DCLRE1A: variants seen among roughly 807,000 people sequenced by gnomAD.
DCLRE1A encodes DNA cross-link repair 1A protein.
A neutral mutation model predicts 91.9 loss-of-function variants in DCLRE1A; 64 were observed. The ratio of observed to expected loss-of-function variants is 0.70; its 90% CI spans 0.57 to 0.86. DCLRE1A has a LOEUF of 0.86. Among genes scored for constraint, DCLRE1A ranks in the 40% least tolerant of loss-of-function variants. The pLI is 0.00. For synonymous variants in DCLRE1A, 416 were observed against 431.1 expected, an observed-to-expected ratio of 0.96 and a Z score of 0.43; for missense variants, 1,145 against 1,213.3, an observed-to-expected ratio of 0.94 and a Z score of 0.84.
At chr10:113,842,001 T>G (rs958099369) in intron 6 of DCLRE1A, among the ~76,000 whole-genome samples, 1 of 152,206 alleles carries the variant, frequency 6.6e-6, no homozygotes, top group East Asian at 1.9e-4. Flanking sequence ...TTAAAACTGA[T>G]TGCCAATGTA....
chr10:113,853,273 T>C lies in DCLRE1A; in HGVS notation c.-91A>G. On this transcript the variant is annotated 5_prime_UTR_variant, in exon 1 of 9. Transcript: ENST00000361384. The stretch of plus-strand genomic sequence containing the variant: ...CAAACAAAAAGTTATAGAATTATTT[T>C]GCTGAGAAAAAAAACAAAGGTAACA... The C allele has an allele frequency of 7.9e-7, 1 of 1,271,232 alleles. No individual in the cohort carries two copies. Among genetic ancestry groups the C allele is most frequent in the Non-Finnish European group, 1.0e-6 (1 of 956,954 alleles). The allele number at this position is 1,271,232 out of a possible 1,614,324, so 78.7% of individuals were successfully genotyped here.
chr10:113,838,375 C>A (rs374483920), intron 7 of DCLRE1A, among the ~76,000 whole-genome samples: 1 of 152,130 alleles, frequency 6.6e-6, no homozygotes, highest in South Asian at 2.1e-4. Context: ...ATCATCAAAC[C>A]TGTCCATTCC....
At chr10:113,842,224 T>C in intron 6 of DCLRE1A, 119 bp downstream of exon 6, 3 of 878,386 alleles carry the variant, frequency 3.4e-6, no homozygotes, top group Non-Finnish European at 4.8e-6. Flanking sequence ...TCAAAGGTAA[T>C]ATTGAATCAT....
At chr10:113,842,907 CTAAA>C (rs570596442) in intron 5 of DCLRE1A, among the ~76,000 whole-genome samples, 1 of 152,002 alleles carries the variant, frequency 6.6e-6, no homozygotes, top group South Asian at 2.1e-4. Flanking sequence ...AGTAATGAAA[CTAAA>C]TATGAATTTA....
In DCLRE1A at chr10:113,842,302, T is replaced by G. The variant is rs190344355; in HGVS notation, c.2665+41A>C. The G allele has an allele frequency of 5.3e-6, 8 of 1,519,402 alleles. No homozygotes were observed. The East Asian group carries it at 1.8e-4, about 35-fold the overall frequency. 94.1% of individuals were successfully genotyped at this position (1,519,402 alleles called of 1,614,324 possible). A position where few individuals can be genotyped will look rare whatever the true frequency, so the allele number is the denominator to read the frequency against. On this transcript the variant is annotated intron_variant, in intron 6 of 8. Transcript: ENST00000361384. ...GCATTATGCAAAAAGAATCTGATCTTTATAATATATTAATGTAAATTAGAT... is the reference window on the plus strand; with the variant it reads ...GCATTATGCAAAAAGAATCTGATCTGTATAATATATTAATGTAAATTAGAT...
rs768238863 is a variant in DCLRE1A, at chr10:113,844,199, A to G, written c.2424T>C (p.Thr808=). 5 of 1,614,204 alleles carry G rather than the reference A, an allele frequency of 3.1e-6. No individual in the cohort carries two copies. Among genetic ancestry groups the G allele is most frequent in the Middle Eastern group, 1.6e-4 (1 of 6,062 alleles). ...VMILFYLPNG[T]VILHTGDFRA... is the part of the protein sequence containing the mutation. ...TGAAGTCTCCCGTGTGTAATATGAC[A>G]GTACCATTAGGAAGATAAAAGAGGA... The change falls in exon 5 of 9, where the codon ACT becomes ACC. Residue 808 remains threonine, a synonymous_variant. Coordinates refer to ENST00000361384, the MANE Select transcript of DCLRE1A (RefSeq NM_014881.5).
chr10:113,835,302 G>A lies in DCLRE1A; in HGVS notation c.2973C>T (p.Tyr991=). 1 of 1,590,212 alleles carries A rather than the reference G, an allele frequency of 6.3e-7. No individual in the cohort carries two copies. Among genetic ancestry groups the A allele is most frequent in the Non-Finnish European group, 8.5e-7 (1 of 1,172,302 alleles). ...TTTCTAGGTAGCTGCTGTGTTCACT[G>A]TAAGGAATTCCTGTAACAAAAAATA... The part of the protein sequence containing the change: ...KGNISIYGIP[Y]SEHSSYLEMK... Residue 991 remains tyrosine, a synonymous_variant, in exon 9 of 9, where the codon TAC becomes TAT. Coordinates refer to ENST00000361384, the MANE Select transcript of DCLRE1A (RefSeq NM_014881.5).
intron 1 of DCLRE1A, 34 bp downstream of exon 1, chr10:113,852,686 GATT>G (rs1845673814): frequency 1.3e-6 from 2 of 1,557,680 alleles, no homozygotes; most frequent in South Asian, 2.4e-5. Context: ...AGACTTTTTA[GATT>G]ATTTAGAAAC....
rs1267577311 is a variant in DCLRE1A at position 113,844,163 on chromosome 10, G to A, written c.2460C>T (p.Pro820=). ...CCGCAAGAAGAGAACGTTCCATGCT[G>A]GGATCTGCTCTGAAGTCTCCCGTGT... The part of the protein sequence containing the change: ...ILHTGDFRAD[P]SMERSLLADQ... Residue 820 remains proline, a synonymous_variant, in exon 5 of 9, where the codon CCC becomes CCT. Transcript: ENST00000361384. The A allele has an allele frequency of 6.2e-7, 1 of 1,614,170 alleles. No individual in the cohort carries two copies. Among genetic ancestry groups the A allele is most frequent in the Non-Finnish European group, 8.5e-7 (1 of 1,180,028 alleles).
rs1564842200 is a variant in DCLRE1A at position 113,841,428 on chromosome 10, G to A, written c.2798C>T (p.Pro933Leu). The stretch of plus-strand genomic sequence containing the variant: ...TACCTTAAAATTAATTTGCATCATT[G>A]GGAGAAGGTGAACCAATGAACTGCA... ...DMCSSLVHLL[P>L]MMQINFKGLQ... Residue 933 changes from proline (P) to leucine (L), a missense_variant, in exon 7 of 9, where the codon CCA becomes CTA. Coordinates refer to ENST00000361384, the MANE Select transcript of DCLRE1A (RefSeq NM_014881.5). The A allele has an allele frequency of 1.9e-6, 3 of 1,612,598 alleles. No individual in the cohort carries two copies. Among genetic ancestry groups the A allele is most frequent in the Non-Finnish European group, 2.5e-6 (3 of 1,179,490 alleles).
In DCLRE1A at chr10:113,850,158, G is replaced by T; in HGVS notation, c.947C>A (p.Pro316Gln). 2 of 1,614,042 alleles carry T rather than the reference G, an allele frequency of 1.2e-6. No homozygotes were observed. Among genetic ancestry groups the T allele is most frequent in the Non-Finnish European group, 1.7e-6 (2 of 1,180,012 alleles). The change falls in exon 2 of 9, where the codon CCG (proline) becomes CAG (glutamine). Residue 316 changes from proline to glutamine, a missense_variant. By Grantham distance (76) the Pro-to-Gln change is moderately conservative. Transcript: ENST00000361384. ...AAACAGTTGTTCTTGTGAATCATCC[G>T]GTTTTTCATCGATATCATGAGTGTC... ...DEDTHDIDEKPDDSQEQLFFT... is the reference protein window; with the variant it reads ...DEDTHDIDEKQDDSQEQLFFT...
rs961109324 is a variant in DCLRE1A, at chr10:113,837,736, T to C, written c.2821-533A>G. ...ACCCTTTAAACATGAACTAGATTTATTTTAAAACTTTTCATACCACTATTG... is the reference window on the plus strand; with the variant it reads ...ACCCTTTAAACATGAACTAGATTTACTTTAAAACTTTTCATACCACTATTG... On this transcript the variant is annotated intron_variant, in intron 7 of 8. Coordinates refer to ENST00000361384, the MANE Select transcript of DCLRE1A (RefSeq NM_014881.5). 7.9e-5 allele frequency among the ~76,000 whole-genome samples: 12 copies of C among 152,348 alleles called. No individual in the cohort carries two copies. In the East Asian group the frequency reaches 2.3e-3, roughly 29 times the overall value.
chr10:113,851,217 T>C (rs552655629), intron 1 of DCLRE1A, among the ~76,000 whole-genome samples: 129 of 152,364 alleles, frequency 8.5e-4, no homozygotes, highest in African/African-American at 3.0e-3. Flanking sequence ...ATTTCCATTC[T>C]TGATTTTCAA....
At chr10:113,844,711 G>A (rs574785717) in intron 4 of DCLRE1A, among the ~76,000 whole-genome samples, 5 of 152,292 alleles carry the variant, frequency 3.3e-5, no homozygotes, top group Admixed American at 6.5e-5. Flanking sequence ...CGAAGCGGGT[G>A]TATCACCTGA....
At chr10:113,835,657 A>G (rs1266004003) in intron 8 of DCLRE1A, among the ~76,000 whole-genome samples, 23 of 152,112 alleles carry the variant, frequency 1.5e-4, no homozygotes, top group Admixed American at 1.5e-3. Context: ...GTTCTTGGTC[A>G]GGCATGGTGG....
At chr10:113,838,998 A>G (rs963491632) in intron 7 of DCLRE1A, among the ~76,000 whole-genome samples, 4 of 152,142 alleles carry the variant, frequency 2.6e-5, no homozygotes, top group African/African-American at 9.7e-5. Context: ...AATTACAAAC[A>G]TCAGCTTCTG....
chr10:113,852,910 G>A lies in DCLRE1A; in HGVS notation c.273C>T (p.Thr91=), dbSNP rs376143056. 4.3e-6 allele frequency: 7 copies of A among 1,613,800 alleles called. No individual in the cohort carries two copies. In the Admixed American group the frequency reaches 1.2e-4, roughly 27 times the overall value. Residue 91 remains threonine (T), a synonymous_variant, in exon 1 of 9, where the codon ACC becomes ACT. Coordinates refer to ENST00000361384, the MANE Select transcript of DCLRE1A (RefSeq NM_014881.5). ...NSSCGDGIQQ[T]QDKETTPGKL... ...TTCCTGGAGTAGTTTCCTTGTCTTG[G>A]GTCTGCTGAATACCATCTCCACAAC...
chr10:113,850,633 C>G lies in DCLRE1A; in HGVS notation c.472G>C (p.Gly158Arg). Residue 158 changes from glycine (G) to arginine (R), a missense_variant, in exon 2 of 9, where the codon GGT (glycine) becomes CGT (arginine). Transcript: ENST00000361384. ...GGAATGGTTGAGGTACACAGAAGAC[C>G]ATCAGGACACTCTGAAATTTTAATA... Reference protein sequence around the residue: ...PPRSETECPDGLLCTSTIPFH... With the variant: ...PPRSETECPDRLLCTSTIPFH... The G allele has an allele frequency of 2.5e-6, 4 of 1,582,314 alleles. 1 individual carries two copies. In the South Asian group the frequency reaches 4.6e-5, roughly 18 times the overall value.
In DCLRE1A at chr10:113,845,675, T is replaced by C; in HGVS notation, c.2378+10A>G. The C allele has an allele frequency of 6.2e-7, 1 of 1,607,488 alleles. No homozygotes were observed. Among genetic ancestry groups the C allele is most frequent in the South Asian group, 1.1e-5 (1 of 90,944 alleles). ...AAAAAATGTGCTATTAAGATGACTT[T>C]AATACTTACTGATTGGCATCAAGCA... On this transcript the variant is annotated intron_variant, in intron 4 of 8. Transcript: ENST00000361384.
Sources: gnomAD v4.1 joint callset for allele counts (sites outside exome capture counted in the v4.1 genomes callset) on GRCh38, gnomAD v4.1.1 for gene constraint, MANE v1.5 for transcripts, NCBI Gene and HGNC (gene_info 2026-07-23, HGNC 2026-07-21) for gene names.